NLGN4X: variants seen among roughly 807,000 people sequenced by gnomAD.
NLGN4X encodes neuroligin-4, X-linked.
In NLGN4X, 3 loss-of-function variants were observed where a neutral mutation model predicts 40.3. That is an observed-to-expected ratio of 0.07 (90% CI 0.03 to 0.19). NLGN4X has a LOEUF of 0.19. Among genes scored for constraint, NLGN4X ranks in the 10% least tolerant of loss-of-function variants. NLGN4X has a pLI of 1.00. For synonymous variants in NLGN4X, 270 were observed against 306.8 expected, an observed-to-expected ratio of 0.88 and a Z score of 1.25; for missense variants, 382 against 708.3, an observed-to-expected ratio of 0.54 and a Z score of 5.23.
intron 2 of NLGN4X, among the ~76,000 whole-genome samples, chrX:6,121,190 C>T (rs2039416767): frequency 9.3e-6 from 1 of 108,088 alleles, no homozygotes; most frequent in Admixed American, 1.0e-4. Context: ...ATATATATCG[C>T]CTCAATGGCA....
intron 2 of NLGN4X, among the ~76,000 whole-genome samples, chrX:6,148,604 C>A (rs2147691498): frequency 9.0e-6 from 1 of 111,125 alleles, no homozygotes; most frequent in East Asian, 2.8e-4. Context: ...CAACCTCCAC[C>A]TCCTTGGTTC....
intron 4 of NLGN4X, among the ~76,000 whole-genome samples, chrX:5,904,261 T>C (rs2032062633): frequency 9.0e-6 from 1 of 110,586 alleles, no homozygotes; most frequent in African/African-American, 3.3e-5. Context: ...AGAAAAAAAA[T>C]GCTTTAAGCT....
intron 3 of NLGN4X, among the ~76,000 whole-genome samples, chrX:5,917,240 G>A (rs1216520524): frequency 8.9e-6 from 1 of 112,541 alleles, no homozygotes; most frequent in African/African-American, 3.2e-5. Flanking sequence ...AGCACCATTT[G>A]AAAGGTCAGT....
In NLGN4X at chrX:6,228,554, G is replaced by T. The variant is rs1926575989; in HGVS notation, c.-319C>A. ...AACTGCACCTACCTTAGCTTTGGAA[G>T]AGCTGCATCGGCCGTTAAGAGTTCT... On this transcript the variant is annotated 5_prime_UTR_variant, in exon 1 of 6. Transcript: ENST00000381095. The T allele has an allele frequency of 9.0e-6, 1 of 111,546 alleles. No homozygotes were observed. Among genetic ancestry groups the T allele is most frequent in the Admixed American group, 9.5e-5 (1 of 10,527 alleles). 9.2% of individuals were successfully genotyped at this position (111,546 alleles called of 1,213,427 possible). A position where few individuals can be genotyped will look rare whatever the true frequency, so the allele number is the denominator to read the frequency against.
intron 3 of NLGN4X, among the ~76,000 whole-genome samples, chrX:6,026,417 T>C (rs901058449): frequency 8.9e-6 from 1 of 112,169 alleles, no homozygotes; most frequent in Non-Finnish European, 1.9e-5. Context: ...CAGTGCCTGC[T>C]GTGTATTTTA....
At chrX:6,184,081 A>G (rs762841730) in intron 1 of NLGN4X, among the ~76,000 whole-genome samples, 2 of 112,535 alleles carry the variant, frequency 1.8e-5, no homozygotes, top group East Asian at 5.6e-4. Flanking sequence ...TTTTTAACTA[A>G]TTATTATAAA....
At chrX:6,204,703 T>A (rs1043804416) in intron 1 of NLGN4X, among the ~76,000 whole-genome samples, 1 of 111,384 alleles carries the variant, frequency 9.0e-6, no homozygotes, top group Non-Finnish European at 1.9e-5. Context: ...CCATCTCAGA[T>A]CTGCTGACTC....
intron 2 of NLGN4X, among the ~76,000 whole-genome samples, chrX:6,089,773 C>A (rs765491175): frequency 8.9e-6 from 1 of 111,964 alleles, no homozygotes; most frequent in South Asian, 3.7e-4. Context: ...AATAGACCAG[C>A]ATAGAAAAGT....
intron 1 of NLGN4X, among the ~76,000 whole-genome samples, chrX:6,159,577 C>T (rs749050130): frequency 8.9e-6 from 1 of 111,865 alleles, no homozygotes; most frequent in African/African-American, 3.2e-5. Flanking sequence ...AGACCATCCA[C>T]CCACATATTA....
intron 1 of NLGN4X, among the ~76,000 whole-genome samples, chrX:6,174,615 G>A (rs1569281390): frequency 8.9e-6 from 1 of 112,226 alleles, no homozygotes; most frequent in Non-Finnish European, 1.9e-5. Flanking sequence ...ATGCAACCAT[G>A]AAAAAGAACA....
chrX:6,209,295 G>C (rs762652328), intron 1 of NLGN4X, among the ~76,000 whole-genome samples: 3 of 111,909 alleles, frequency 2.7e-5, no homozygotes, highest in Non-Finnish European at 5.6e-5. Flanking sequence ...TATGTTATTT[G>C]GGTGGTGGTT....
At position 5,891,011 on chromosome X, in the gene NLGN4X, G is replaced by A. The variant is rs2031134455; in HGVS notation, c.*1806C>T. 1 of 302,423 alleles carries A rather than the reference G, an allele frequency of 3.3e-6. No homozygotes were observed. Among genetic ancestry groups the A allele is most frequent in the Non-Finnish European group, 6.2e-6 (1 of 160,518 alleles). The allele number at this position is 302,423 out of a possible 1,213,427, so 24.9% of individuals were successfully genotyped here. On this transcript the variant is annotated 3_prime_UTR_variant, in exon 6 of 6. Coordinates refer to ENST00000381095, the MANE Select transcript of NLGN4X (RefSeq NM_181332.3). ...CTGGATTTCTAGAATAACCCACAAT[G>A]GAGCCGAGGAACATGATCTTCAAAT...
At chrX:6,052,141 A>G (rs754048455) in intron 2 of NLGN4X, among the ~76,000 whole-genome samples, 48 of 109,603 alleles carry the variant, frequency 4.4e-4, no homozygotes, top group African/African-American at 1.5e-3. Flanking sequence ...GATTCTGCCA[A>G]TACCTGAGTG....
chrX:6,166,304 C>A (rs2040494614), intron 1 of NLGN4X, among the ~76,000 whole-genome samples: 1 of 110,314 alleles, frequency 9.1e-6, no homozygotes, highest in Admixed American at 9.7e-5. Flanking sequence ...CTTTGTTGGC[C>A]AGGCTGGTCT....
At chrX:5,953,057 C>A (rs1390444147) in intron 3 of NLGN4X, among the ~76,000 whole-genome samples, 1 of 110,279 alleles carries the variant, frequency 9.1e-6, no homozygotes, top group Non-Finnish European at 1.9e-5. Context: ...TTTGAAAGCC[C>A]AGATATTGGG....
chrX:6,107,014 T>C (rs1057108375), intron 2 of NLGN4X, among the ~76,000 whole-genome samples: 2 of 112,922 alleles, frequency 1.8e-5, no homozygotes, highest in African/African-American at 6.4e-5. Flanking sequence ...AATTGAAATA[T>C]GAATTTATGC....
intron 2 of NLGN4X, among the ~76,000 whole-genome samples, chrX:6,100,708 A>T (rs1405386627): frequency 8.9e-6 from 1 of 112,305 alleles, no homozygotes; most frequent in Non-Finnish European, 1.9e-5. Context: ...CAGTGATAAC[A>T]TTAGAATTCA....
intron 2 of NLGN4X, among the ~76,000 whole-genome samples, chrX:6,093,907 T>C (rs763893465): frequency 8.9e-6 from 1 of 111,904 alleles, no homozygotes; most frequent in South Asian, 3.7e-4. Flanking sequence ...AAATCAGTAG[T>C]ATTATAGGAA....
chrX:6,072,470 G>T (rs1224168088), intron 2 of NLGN4X, among the ~76,000 whole-genome samples: 1 of 111,827 alleles, frequency 8.9e-6, no homozygotes, highest in Non-Finnish European at 1.9e-5. Context: ...ATACTGCACT[G>T]TAAATGAGGA....
Sources: gnomAD v4.1 joint callset for allele counts (sites outside exome capture counted in the v4.1 genomes callset) on GRCh38, gnomAD v4.1.1 for gene constraint, MANE v1.5 for transcripts, NCBI Gene and HGNC (gene_info 2026-07-23, HGNC 2026-07-21) for gene names.